Variants in RHOU observed in about 807,000 individuals in gnomAD.
RHOU encodes ras homolog family member U.
In RHOU, 8 loss-of-function variants were observed where a neutral mutation model predicts 12.6. The ratio of observed to expected loss-of-function variants is 0.64; its 90% CI spans 0.37 to 1.15. The LOEUF (loss-of-function observed/expected upper bound fraction) is 1.15. Among genes scored for constraint, RHOU ranks in the 50% most tolerant of loss-of-function variants. The pLI, the probability that RHOU is intolerant of heterozygous loss-of-function variation, is 0.01. For missense variants in RHOU, 258 were observed against 347.0 expected, an observed-to-expected ratio of 0.74 and a Z score of 2.04; for synonymous variants, 161 against 147.4, an observed-to-expected ratio of 1.09 and a Z score of -0.67.
At chr1:228,670,164 T>A in the RHOU span, among the ~76,000 whole-genome samples, 1 of 152,194 alleles carries the variant, frequency 6.6e-6, no homozygotes, top group African/African-American at 2.4e-5. Flanking sequence ...GGGGCTGATT[T>A]AGATGGGGTT....
the RHOU span, among the ~76,000 whole-genome samples, chr1:228,649,008 C>T: frequency 1.3e-5 from 2 of 152,008 alleles, no homozygotes; most frequent in Non-Finnish European, 1.5e-5. Context: ...GTACTAAAGG[C>T]GCGCACCAAC....
intron 2 of RHOU, among the ~76,000 whole-genome samples, chr1:228,740,775 G>A (rs1032265125): frequency 6.6e-6 from 1 of 152,242 alleles, no homozygotes; most frequent in African/African-American, 2.4e-5. Flanking sequence ...TGGAGCTGGA[G>A]TGTGGGTTTC....
the RHOU span, among the ~76,000 whole-genome samples, chr1:228,681,729 T>G: frequency 1.3e-5 from 2 of 151,944 alleles, no homozygotes; most frequent in African/African-American, 4.8e-5. Flanking sequence ...AGATTTTAGG[T>G]CAGGCAAGAG....
chr1:228,714,856 G>A, the RHOU span, among the ~76,000 whole-genome samples: 1 of 142,586 alleles, frequency 7.0e-6, no homozygotes, highest in Non-Finnish European at 1.5e-5. Flanking sequence ...CGATTCTTCT[G>A]CCTCAGCCTC....
At chr1:228,663,430 A>G in the RHOU span, among the ~76,000 whole-genome samples, 1 of 152,296 alleles carries the variant, frequency 6.6e-6, no homozygotes, top group Middle Eastern at 3.4e-3. Context: ...CTAGGCACTT[A>G]TCACAATATT....
chr1:228,702,823 TAAAGCTTCCATG>T, the RHOU span, among the ~76,000 whole-genome samples: 1 of 152,256 alleles, frequency 6.6e-6, no homozygotes, highest in Non-Finnish European at 1.5e-5. Context: ...AAGCAGGTCT[TAAAGCTTCCATG>T]AAGAATTCTC....
chr1:228,725,422 G>GCCACAGCACCCTCC, the RHOU span, among the ~76,000 whole-genome samples: 80,317 of 151,852 alleles, frequency 0.53, 23,994 homozygotes, highest in African/African-American at 0.84. Context: ...GGGGGCTGTG[G>GCCACAGCACCCTCC]CCCTGAGCTT....
chr1:228,654,007 G>T, the RHOU span, among the ~76,000 whole-genome samples: 1 of 152,102 alleles, frequency 6.6e-6, no homozygotes, highest in Non-Finnish European at 1.5e-5. Context: ...TTTGCCTGTA[G>T]AATGAACTGC....
chr1:228,720,640 G>A, the RHOU span, among the ~76,000 whole-genome samples: 1 of 152,150 alleles, frequency 6.6e-6, no homozygotes, highest in Non-Finnish European at 1.5e-5. Context: ...CAGCCCTGCC[G>A]AAATACTGAT....
chr1:228,714,277 T>C, the RHOU span, among the ~76,000 whole-genome samples: 2 of 152,162 alleles, frequency 1.3e-5, no homozygotes, highest in African/African-American at 4.8e-5. Flanking sequence ...ATACATAATA[T>C]TGGTTTGTAA....
the RHOU span, among the ~76,000 whole-genome samples, chr1:228,675,853 AG>A: frequency 6.6e-6 from 1 of 152,172 alleles, no homozygotes; most frequent in African/African-American, 2.4e-5. Context: ...TATTTGGACT[AG>A]GGTTTAGGGC....
chr1:228,663,329 A>G, the RHOU span, among the ~76,000 whole-genome samples: 9,749 of 152,234 alleles, frequency 0.064, 568 homozygotes, highest in East Asian at 0.31. Flanking sequence ...TTCAAGTGCT[A>G]TACTTTTTGC....
At chr1:228,663,055 AC>A in the RHOU span, among the ~76,000 whole-genome samples, 10 of 152,210 alleles carry the variant, frequency 6.6e-5, no homozygotes, top group Non-Finnish European at 5.9e-5. Flanking sequence ...TATGGTTTTA[AC>A]TTTTGTGAAC....
chr1:228,655,121 T>C, the RHOU span, among the ~76,000 whole-genome samples: 3 of 151,542 alleles, frequency 2.0e-5, no homozygotes, highest in African/African-American at 7.3e-5. Context: ...TTTTTTTTTT[T>C]GGAGATGAAG....
the RHOU span, chr1:228,687,822 A>G: frequency 8.0e-7 from 1 of 1,253,276 alleles, no homozygotes. Context: ...TGATAATGAA[A>G]GCTAAGCCTC....
At chr1:228,709,518 C>G in the RHOU span, among the ~76,000 whole-genome samples, 7 of 150,716 alleles carry the variant, frequency 4.6e-5, no homozygotes, top group Admixed American at 4.6e-4. Context: ...CTCAAAACCA[C>G]TCAACTACAT....
chr1:228,677,328 A>C, the RHOU span, among the ~76,000 whole-genome samples: 2 of 152,156 alleles, frequency 1.3e-5, no homozygotes. Context: ...AGGACTAAGA[A>C]TTGGGAGCAC....
In RHOU at chr1:228,735,681, G is replaced by A; in HGVS notation, c.-62G>A. The A allele has an allele frequency of 7.7e-6, 9 of 1,164,480 alleles. No individual in the cohort carries two copies. Among genetic ancestry groups the A allele is most frequent in the Non-Finnish European group, 9.6e-6 (9 of 941,436 alleles). 72.1% of individuals were successfully genotyped at this position (1,164,480 alleles called of 1,614,324 possible). On this transcript the variant is annotated 5_prime_UTR_variant, in exon 1 of 3. Coordinates refer to ENST00000366691, the MANE Select transcript of RHOU (RefSeq NM_021205.6). The surrounding 1 kb of genome is among the most constrained non-coding windows in gnomAD (Gnocchi z 8.1). ...CTCCTCCCTACCGCAACCCTCCGGGGCGGAGGGGCGGTCGGGCCGGGCCCT... is the reference window on the plus strand; with the variant it reads ...CTCCTCCCTACCGCAACCCTCCGGGACGGAGGGGCGGTCGGGCCGGGCCCT...
chr1:228,663,274 A>G, the RHOU span, among the ~76,000 whole-genome samples: 89,423 of 151,976 alleles, frequency 0.59, 28,064 homozygotes, highest in African/African-American at 0.82. Context: ...CCCTTGCTTT[A>G]GACACATCAC....
Sources: allele counts gnomAD v4.1 joint callset (sites outside exome capture counted in the v4.1 genomes callset), GRCh38; gene constraint gnomAD v4.1.1; non-coding constraint Gnocchi (gnomAD v3.1); transcripts MANE v1.5; gene names NCBI Gene and HGNC (gene_info 2026-07-23, HGNC 2026-07-21).